The following CEP128 variants were observed in gnomAD, a reference collection of about 807,000 sequenced individuals.
The protein encoded by CEP128 is centrosomal protein 128kDa.
CEP128 carries 132 observed loss-of-function variants against 156.7 expected under a neutral mutation model. The ratio of observed to expected loss-of-function variants is 0.84; its 90% CI spans 0.73 to 0.97. The LOEUF is 0.97. Ranked by LOEUF, CEP128 falls within the 50% of genes least tolerant of loss-of-function variation. CEP128 has a pLI of 0.00. For missense variants in CEP128, 1,252 were observed against 1,281.9 expected (o/e 0.98, Z 0.36); for synonymous variants, 469 against 448.9 (o/e 1.04, Z -0.57).
rs554316079 is a variant in CEP128 at position 80,536,490 on chromosome 14, T to C, written c.2881-5604A>G. On this transcript the variant is annotated intron_variant, in intron 21 of 24. Transcript: ENST00000555265. ...AAGGCTATGAAGCAGTTTATTTGGG[T>C]TCAAAAATGCAATTCTATTTCATTT... 1.3e-4 allele frequency among the ~76,000 whole-genome samples: 20 copies of C among 152,272 alleles called. No homozygotes were observed. The South Asian group carries it at 3.7e-3, about 28-fold the overall frequency.
At chr14:80,578,610 G>C (rs1891456359) in intron 20 of CEP128, among the ~76,000 whole-genome samples, 1 of 152,128 alleles carries the variant, frequency 6.6e-6, no homozygotes, top group Non-Finnish European at 1.5e-5. Context: ...AGGTTACCCA[G>C]TGAACCAGAA....
intron 1 of CEP128, among the ~76,000 whole-genome samples, chr14:80,940,826 G>A (rs2114704): frequency 1.3e-5 from 2 of 151,856 alleles, no homozygotes; most frequent in African/African-American, 4.8e-5. Flanking sequence ...TCACCTGAGT[G>A]GCTCACACTG....
chr14:80,808,187 G>A (rs1884294657), intron 13 of CEP128, among the ~76,000 whole-genome samples: 1 of 152,164 alleles, frequency 6.6e-6, no homozygotes, highest in African/African-American at 2.4e-5. Context: ...AGAAAAGTGA[G>A]ACACCTTTTG....
At chr14:80,532,307 C>T (rs1389545294) in intron 21 of CEP128, among the ~76,000 whole-genome samples, 3 of 152,106 alleles carry the variant, frequency 2.0e-5, no homozygotes, top group Admixed American at 2.0e-4. Context: ...GATCCTCTGA[C>T]CTCAGCCTCT....
At chr14:80,603,983 T>A (rs557457781) in intron 19 of CEP128, among the ~76,000 whole-genome samples, 8 of 152,356 alleles carry the variant, frequency 5.3e-5, no homozygotes, top group Non-Finnish European at 8.8e-5. Flanking sequence ...GAAGCTTTTG[T>A]TACATCTCAA....
chr14:80,498,193 C>T (rs1887579440), intron 24 of CEP128, among the ~76,000 whole-genome samples: 1 of 152,116 alleles, frequency 6.6e-6, no homozygotes, highest in Non-Finnish European at 1.5e-5. Context: ...CTGTCTGATC[C>T]ATCCATTCAG....
chr14:80,839,812 T>C (rs1004322803), intron 10 of CEP128, among the ~76,000 whole-genome samples: 1 of 152,104 alleles, frequency 6.6e-6, no homozygotes, highest in South Asian at 2.1e-4. Flanking sequence ...TAAGTGGGGA[T>C]CACAGAATCC....
chr14:80,668,493 T>C (rs983610577), intron 19 of CEP128, among the ~76,000 whole-genome samples: 2 of 152,152 alleles, frequency 1.3e-5, no homozygotes, highest in African/African-American at 2.4e-5. Context: ...GGGATTCATT[T>C]TGAATATAGA....
chr14:80,677,480 G>C (rs1896107949), intron 19 of CEP128, among the ~76,000 whole-genome samples: 1 of 138,728 alleles, frequency 7.2e-6, no homozygotes, highest in African/African-American at 2.7e-5. Context: ...CTGCACTCCA[G>C]CCTGGGCGAC....
intron 21 of CEP128, among the ~76,000 whole-genome samples, chr14:80,538,408 G>A (rs554357303): frequency 6.6e-6 from 1 of 152,208 alleles, no homozygotes; most frequent in Non-Finnish European, 1.5e-5. Flanking sequence ...TGCCTTCCAT[G>A]GAGAATGTTC....
intron 6 of CEP128, among the ~76,000 whole-genome samples, chr14:80,903,336 C>CA (rs2139434948): frequency 6.6e-6 from 1 of 152,014 alleles, no homozygotes; most frequent in African/African-American, 2.4e-5. Context: ...TTATAACACA[C>CA]AAAAAAGTCA....
At chr14:80,656,356 A>AAT (rs1566838079) in intron 19 of CEP128, among the ~76,000 whole-genome samples, 1 of 118,754 alleles carries the variant, frequency 8.4e-6, no homozygotes. Flanking sequence ...TAAAAAAAAA[A>AAT]CAACTAATTC....
chr14:80,697,053 G>A (rs545843155), intron 19 of CEP128, among the ~76,000 whole-genome samples: 3 of 152,088 alleles, frequency 2.0e-5, no homozygotes, highest in Non-Finnish European at 2.9e-5. Context: ...GTTAGTAGAC[G>A]GTGTACATCA....
chr14:80,480,946 C>G (rs1887039851), intron 14 of CEP128, among the ~76,000 whole-genome samples: 1 of 152,132 alleles, frequency 6.6e-6, no homozygotes, highest in Non-Finnish European at 1.5e-5. Context: ...TTGCTATCAT[C>G]ATTTTGGGCA....
chr14:80,593,310 G>A (rs975575547), intron 19 of CEP128, among the ~76,000 whole-genome samples: 1 of 152,024 alleles, frequency 6.6e-6, no homozygotes, highest in Non-Finnish European at 1.5e-5. Context: ...CACTGAGGAG[G>A]GCAGATCACA....
intron 19 of CEP128, among the ~76,000 whole-genome samples, chr14:80,688,903 G>A (rs1478587704): frequency 6.6e-6 from 1 of 151,846 alleles, no homozygotes; most frequent in Non-Finnish European, 1.5e-5. Context: ...ATCCTTTTGG[G>A]GGCAGACATT....
intron 15 of CEP128, 29 bp from the exon 16 acceptor site, chr14:80,778,075 A>G (rs748947503): frequency 6.2e-7 from 1 of 1,604,706 alleles, no homozygotes; most frequent in East Asian, 2.2e-5. Flanking sequence ...AAAAACAGAA[A>G]GTCCACTAGC....
chr14:80,521,796 C>A (rs549599132), intron 23 of CEP128, among the ~76,000 whole-genome samples: 43 of 151,392 alleles, frequency 2.8e-4, no homozygotes, highest in African/African-American at 1.0e-3. Context: ...TTCTGGAGTC[C>A]CGGCAGTGCT....
At position 80,951,462 on chromosome 14, in the gene CEP128, C is replaced by A. The variant is rs1346355496; in HGVS notation, c.-172+6716G>T. Among the ~76,000 whole-genome samples, 4 of 152,048 alleles carry A rather than the reference C, an allele frequency of 2.6e-5. No individual in the cohort carries two copies. In the East Asian group the frequency reaches 7.7e-4, roughly 29 times the overall value. ...ATCAACTGAATGTGGACTATGATAACTTAAACGTACATGCTATAAACCTTA... is the reference window on the plus strand; with the variant it reads ...ATCAACTGAATGTGGACTATGATAAATTAAACGTACATGCTATAAACCTTA... On this transcript the variant is annotated intron_variant, in intron 2 of 7. Transcript: ENST00000555529.
Sources: allele counts gnomAD v4.1 joint callset (sites outside exome capture counted in the v4.1 genomes callset), GRCh38; gene constraint gnomAD v4.1.1; transcripts MANE v1.5; gene names NCBI Gene and HGNC (gene_info 2026-07-23, HGNC 2026-07-21).